Variants in HOXA7 observed in about 807,000 individuals in gnomAD.
The protein encoded by HOXA7 is homeobox A7.
A neutral mutation model predicts 16.8 loss-of-function variants in HOXA7; 16 were observed. The ratio of observed to expected loss-of-function variants is 0.95; its 90% CI spans 0.64 to 1.44. The LOEUF is 1.44. Among genes scored for constraint, HOXA7 ranks in the 40% most tolerant of loss-of-function variants. HOXA7 has a pLI of 0.00. For synonymous variants in HOXA7, 169 were observed against 144.3 expected (o/e 1.17, Z -1.23); for missense variants, 379 against 328.6 (o/e 1.15, Z -1.19).
intron 1 of HOXA7, 50 bp from the exon 2 acceptor site, chr7:27,155,272 G>C: frequency 1.3e-6 from 2 of 1,554,824 alleles, no homozygotes; most frequent in Non-Finnish European, 1.8e-6. Flanking sequence ...CAAGTAGACA[G>C]GGCACTCGTT....
rs752070644 is a variant in HOXA7 at position 27,154,987 on chromosome 7, G to C, written c.615C>G (p.Pro205=). ...CCGCGGCAGCAGTGGCGGCGGCAGAGGGCACGGCGCCCTCGGGAGCTGCGG... is the reference window on the plus strand; with the variant it reads ...CCGCGGCAGCAGTGGCGGCGGCAGACGGCACGGCGCCCTCGGGAGCTGCGG... ...TAAAAPEGAV[P]SAAATAAADK... Residue 205 remains proline (P), a synonymous_variant, in exon 2 of 2, where the codon CCC becomes CCG. Transcript: ENST00000242159. The C allele has an allele frequency of 4.3e-6, 7 of 1,613,684 alleles. No individual in the cohort carries two copies. The highest frequency in any genetic ancestry group is 3.3e-4 in the Middle Eastern group (2 of 6,084).
rs147416844 is a variant in HOXA7 at position 27,156,423 on chromosome 7, C to T, written c.123G>A (p.Gly41=). 1.2e-6 allele frequency: 2 copies of T among 1,613,726 alleles called. No individual in the cohort carries two copies. Among genetic ancestry groups the T allele is most frequent in the East Asian group, 2.2e-5 (1 of 44,838 alleles). The part of the protein sequence containing the change: ...FAPNSQRSGY[G]AGAGAFASTV... Reference sequence around the variant, plus strand: ...TCGAGGCGAAGGCGCCGGCGCCCGCCCCGTAGCCGCTTCTCTGTGAGTTGG... The same window carrying T: ...TCGAGGCGAAGGCGCCGGCGCCCGCTCCGTAGCCGCTTCTCTGTGAGTTGG... The change falls in exon 1 of 2, where the codon GGG becomes GGA. Residue 41 remains glycine (G), a synonymous_variant. Transcript: ENST00000242159.
Position 27,154,732 on chromosome 7 carries a change from G to T in HOXA7, c.*177C>A. ...GCCGCTCAGTCCACAAAAGTTGGGA[G>T]CTGGAGTAGGTGATGGGGGTGGGTA... On this transcript the variant is annotated 3_prime_UTR_variant, in exon 2 of 2. Transcript: ENST00000242159. 1.1e-6 allele frequency: 1 copy of T among 896,036 alleles called. No homozygotes were observed. The highest frequency in any genetic ancestry group is 1.6e-6 in the Non-Finnish European group (1 of 613,718). 55.5% of individuals were successfully genotyped at this position (896,036 alleles called of 1,614,324 possible).
chr7:27,155,731 A>G, intron 1 of HOXA7: 1 of 168,652 alleles, frequency 5.9e-6, no homozygotes, highest in Non-Finnish European at 1.3e-5. Context: ...GGGTCGGGTG[A>G]GAGGCCCTGG....
rs570565406 is a variant in HOXA7 at position 27,156,022 on chromosome 7, G to A, written c.379+145C>T. 7 of 948,186 alleles carry A rather than the reference G, an allele frequency of 7.4e-6. No homozygotes were observed. In the African/African-American group the frequency reaches 8.7e-5, roughly 12 times the overall value. The allele number at this position is 948,186 out of a possible 1,614,324, so 58.7% of individuals were successfully genotyped here. On this transcript the variant is annotated intron_variant, in intron 1 of 1. Coordinates refer to ENST00000242159, the MANE Select transcript of HOXA7 (RefSeq NM_006896.4). Reference sequence around the variant, plus strand: ...CGCTCCAATTAAAACCAGAAAGGCTGCGCCGGGAGTCACGGGGCTACCGGC... The same window carrying A: ...CGCTCCAATTAAAACCAGAAAGGCTACGCCGGGAGTCACGGGGCTACCGGC...
intron 1 of HOXA7, 57 bp downstream of exon 1, chr7:27,156,110 C>A: frequency 7.1e-7 from 1 of 1,414,662 alleles, no homozygotes; most frequent in Non-Finnish European, 9.2e-7. Flanking sequence ...CCCAGCGCTG[C>A]GCTCCCCGCT....
chr7:27,154,903 G>C lies in HOXA7; in HGVS notation c.*6C>G, dbSNP rs755368638. The C allele has an allele frequency of 1.2e-6, 2 of 1,603,004 alleles. No individual in the cohort carries two copies. The highest frequency in any genetic ancestry group is 1.7e-5 in the Admixed American group (1 of 59,168). ...TCCGGTGCAGAGAGGGCCCCGGATC[G>C]GCCCCTCATTCCTCCTCGTCTTCCT... On this transcript the variant is annotated 3_prime_UTR_variant, in exon 2 of 2. Coordinates refer to ENST00000242159, the MANE Select transcript of HOXA7 (RefSeq NM_006896.4).
In HOXA7 at chr7:27,156,081, C is replaced by A; in HGVS notation, c.379+86G>T. The A allele has an allele frequency of 5.1e-6, 7 of 1,364,844 alleles. 1 individual carries two copies. In the South Asian group the frequency reaches 1.3e-4, roughly 25 times the overall value. 84.5% of individuals were successfully genotyped at this position (1,364,844 alleles called of 1,614,324 possible). On this transcript the variant is annotated intron_variant, in intron 1 of 1. Coordinates refer to ENST00000242159, the MANE Select transcript of HOXA7 (RefSeq NM_006896.4). ...GCCTGGCTCCGCTCTTCCGGCCCCG[C>A]GCCCCGCGCTCCGCGCTCCCCAGCG...
chr7:27,156,100 C>T (rs994025385), intron 1 of HOXA7, 67 bp downstream of exon 1: 7 of 1,406,294 alleles, frequency 5.0e-6, no homozygotes, highest in Non-Finnish European at 6.4e-6. Flanking sequence ...CTCCGCGCTC[C>T]CCAGCGCTGC....
chr7:27,154,767 T>C lies in HOXA7; in HGVS notation c.*142A>G, dbSNP rs746086038. On this transcript the variant is annotated 3_prime_UTR_variant, in exon 2 of 2. Coordinates refer to ENST00000242159, the MANE Select transcript of HOXA7 (RefSeq NM_006896.4). ...GTGATGGGGGTGGGTAGAGTGCAGGTTGGGGACTGGGTTGCTTTTTTGTTT... is the reference window on the plus strand; with the variant it reads ...GTGATGGGGGTGGGTAGAGTGCAGGCTGGGGACTGGGTTGCTTTTTTGTTT... 10 of 1,255,632 alleles carry C rather than the reference T, an allele frequency of 8.0e-6. No homozygotes were observed. Among genetic ancestry groups the C allele is most frequent in the Non-Finnish European group, 1.1e-5 (10 of 937,274 alleles). 77.8% of individuals were successfully genotyped at this position (1,255,632 alleles called of 1,614,324 possible). A position where few individuals can be genotyped will look rare whatever the true frequency, so the allele number is the denominator to read the frequency against.
chr7:27,155,253 A>G, intron 1 of HOXA7, 31 bp from the exon 2 acceptor site: 1 of 1,597,996 alleles, frequency 6.3e-7, no homozygotes, highest in Non-Finnish European at 8.6e-7. Flanking sequence ...ACATGAACAC[A>G]AGGACAGACA....
Position 27,154,918 on chromosome 7 carries a change from C to G in HOXA7, c.684G>C (p.Glu228Asp). The G allele has an allele frequency of 6.2e-7, 1 of 1,608,586 alleles. No individual in the cohort carries two copies. Among genetic ancestry groups the G allele is most frequent in the Non-Finnish European group, 8.5e-7 (1 of 1,175,806 alleles). Residue 228 changes from glutamate to aspartate, a missense_variant, in exon 2 of 2, where the codon GAG becomes GAC. By Grantham distance (45) the Glu-to-Asp change is conservative. Coordinates refer to ENST00000242159, the MANE Select transcript of HOXA7 (RefSeq NM_006896.4). ...EEDDDEEEED[E>D]EE ...GCCCCGGATCGGCCCCTCATTCCTC[C>G]TCGTCTTCCTCTTCTTCATCATCGT...
chr7:27,155,622 T>C, intron 1 of HOXA7: 1 of 216,198 alleles, frequency 4.6e-6, no homozygotes, highest in South Asian at 8.6e-5. Flanking sequence ...TGGGCGACTC[T>C]TCCCAGCAGC....
rs1253448405 is a variant in HOXA7, at chr7:27,156,365, G to A, written c.181C>T (p.Leu61Phe). 1.2e-6 allele frequency: 2 copies of A among 1,613,950 alleles called. No individual in the cohort carries two copies. Among genetic ancestry groups the A allele is most frequent in the Admixed American group, 1.7e-5 (1 of 60,018 alleles). ...VPGLYNVNSP[L>F]YQSPFASGYG... ...CCGGACGCAAAGGGGCTCTGATAAA[G>A]GGGGCTGTTGACATTGTATAAGCCC... Residue 61 changes from leucine to phenylalanine, a missense_variant, in exon 1 of 2, where the codon CTT becomes TTT. Transcript: ENST00000242159.
Position 27,156,327 on chromosome 7 carries a change from G to T in HOXA7, c.219C>A (p.Gly73=), listed in dbSNP as rs757685035. The stretch of plus-strand genomic sequence containing the variant: ...AGGGCAGGTTGCCGTAGGCGTCGGC[G>T]CCCAGGCCGTAGCCGGACGCAAAGG... The part of the protein sequence containing the change: ...QSPFASGYGL[G]ADAYGNLPCA... The change falls in exon 1 of 2, where the codon GGC becomes GGA. Residue 73 remains glycine, a synonymous_variant. Transcript: ENST00000242159. 4 of 1,613,894 alleles carry T rather than the reference G, an allele frequency of 2.5e-6. No individual in the cohort carries two copies. In the African/African-American group the frequency reaches 4.0e-5, roughly 16 times the overall value.
In HOXA7 at chr7:27,155,116, T is replaced by C. The variant is rs1783082699; in HGVS notation, c.486A>G (p.Glu162=). ...CGGTGAGGCAGAGCGCGTGGGCGAT[T>C]TCAATGCGGCGGCGCCGCGTCAGGT... ...NRYLTRRRRI[E]IAHALCLTER... The change falls in exon 2 of 2, where the codon GAA becomes GAG. Residue 162 remains glutamate (E), a synonymous_variant. Coordinates refer to ENST00000242159, the MANE Select transcript of HOXA7 (RefSeq NM_006896.4). The C allele has an allele frequency of 6.2e-7, 1 of 1,614,236 alleles. No individual in the cohort carries two copies. Among genetic ancestry groups the C allele is most frequent in the Non-Finnish European group, 8.5e-7 (1 of 1,180,044 alleles).
rs1161572722 is a variant in HOXA7, at chr7:27,156,503, T to C, written c.43A>G (p.Thr15Ala). The change falls in exon 1 of 2, where the codon ACG becomes GCG. Residue 15 changes from threonine (T) to alanine (A), a missense_variant. By Grantham distance (58) the Thr-to-Ala change is moderately conservative. Transcript: ENST00000242159. ...YYVNALFSKY[T>A]AGASLFQNAE... The stretch of plus-strand genomic sequence containing the variant: ...TTTTGGAACAGAGAAGCCCCCGCCG[T>C]ATATTTGCTAAAAAGCGCGTTCACA... 1 of 1,587,138 alleles carries C rather than the reference T, an allele frequency of 6.3e-7. No individual in the cohort carries two copies. Among genetic ancestry groups the C allele is most frequent in the South Asian group, 1.1e-5 (1 of 88,370 alleles).
Position 27,154,089 on chromosome 7 carries a change from G to T in HOXA7, c.*820C>A, listed in dbSNP as rs1783053331. 6.6e-6 allele frequency: 1 copy of T among 152,322 alleles called. No individual in the cohort carries two copies. The highest frequency in any genetic ancestry group is 1.5e-5 in the Non-Finnish European group (1 of 68,088). 9.4% of individuals were successfully genotyped at this position (152,322 alleles called of 1,614,324 possible). A position where few individuals can be genotyped will look rare whatever the true frequency, so the allele number is the denominator to read the frequency against. On this transcript the variant is annotated 3_prime_UTR_variant, in exon 2 of 2. Coordinates refer to ENST00000242159, the MANE Select transcript of HOXA7 (RefSeq NM_006896.4). ...GATACAGGAGCCAGAGGAAAGGACA[G>T]CGAAGCTGGAAGCATCTCCACAGTC... is the stretch of plus-strand genomic sequence containing the variant.
Position 27,154,616 on chromosome 7 carries a change from C to G in HOXA7, c.*293G>C, listed in dbSNP as rs947290705. 2.3e-6 allele frequency: 1 copy of G among 432,564 alleles called. No individual in the cohort carries two copies. Among genetic ancestry groups the G allele is most frequent in the Non-Finnish European group, 4.1e-6 (1 of 243,404 alleles). The allele number at this position is 432,564 out of a possible 1,614,324, so 26.8% of individuals were successfully genotyped here. On this transcript the variant is annotated 3_prime_UTR_variant, in exon 2 of 2. Coordinates refer to ENST00000242159, the MANE Select transcript of HOXA7 (RefSeq NM_006896.4). ...GGCCTGTGCTAGGTAGTATTTTGGA[C>G]GCGCCAGAGCAGGGCCGGCTGGCCT...
Sources: allele counts gnomAD v4.1 joint callset, GRCh38; gene constraint gnomAD v4.1.1; transcripts MANE v1.5; gene names NCBI Gene and HGNC (gene_info 2026-07-23, HGNC 2026-07-21).